ADAR: variants seen among roughly 807,000 people sequenced by gnomAD.
ADAR encodes the protein adenosine deaminase RNA specific.
A neutral mutation model predicts 113.2 loss-of-function variants in ADAR; 41 were observed. The ratio of observed to expected loss-of-function variants is 0.36; its 90% CI spans 0.28 to 0.47. The LOEUF is 0.47. ADAR is among the 20% of genes least tolerant of loss of function. ADAR has a pLI of 1.00. For missense variants in ADAR, 1,242 were observed against 1,540.9 expected, an observed-to-expected ratio of 0.81 and a Z score of 3.25; for synonymous variants, 605 against 572.6, an observed-to-expected ratio of 1.06 and a Z score of -0.81.
chr1:154,608,492 CTTTTTTTTTTT>C (rs67463447), upstream of ADAR, among the ~76,000 whole-genome samples: 2 of 65,762 alleles, frequency 3.0e-5, no homozygotes, highest in Admixed American at 2.2e-4. Context: ...TCACTCCTGG[CTTTTTTTTTTT>C]TTTTTTTTTT....
chr1:154,590,135 A>AGGTGGGGG, intron 7 of ADAR, 49 bp downstream of exon 7: 1 of 1,205,044 alleles, frequency 8.3e-7, no homozygotes, highest in Non-Finnish European at 1.2e-6. Context: ...CTTAGGAGTT[A>AGGTGGGGG]GGAGGACCCC....
At chr1:154,588,370 T>C in intron 10 of ADAR, 112 bp from the exon 11 acceptor site, 6 of 1,547,954 alleles carry the variant, frequency 3.9e-6, no homozygotes, top group Non-Finnish European at 5.3e-6. Flanking sequence ...AGGCCTACCA[T>C]GGGAGACTGG....
chr1:154,626,807 T>C (rs569041398), intron 1 of ADAR, among the ~76,000 whole-genome samples: 5 of 152,352 alleles, frequency 3.3e-5, no homozygotes, highest in East Asian at 1.9e-4. Flanking sequence ...TCATGTCCCC[T>C]TTCCACTCTA....
rs1361153020 is a variant in ADAR, at chr1:154,583,042, C to T, written c.*1764G>A. ...AGAATAAAAGCAAAGATGTGAATGT[C>T]TCTACCAGACAGAGGATGACCTAGT... is the stretch of plus-strand genomic sequence containing the variant. On this transcript the variant is annotated 3_prime_UTR_variant, in exon 15 of 15. Transcript: ENST00000368474. The T allele has an allele frequency of 6.6e-6, 1 of 152,244 alleles. No homozygotes were observed. Among genetic ancestry groups the T allele is most frequent in the Non-Finnish European group, 1.5e-5 (1 of 68,044 alleles). The allele number at this position is 152,244 out of a possible 1,614,324, so 9.4% of individuals were successfully genotyped here.
rs1208977173 is a variant in ADAR at position 154,583,511 on chromosome 1, T to C, written c.*1295A>G. The C allele has an allele frequency of 6.6e-6, 1 of 152,210 alleles. No individual in the cohort carries two copies. Among genetic ancestry groups the C allele is most frequent in the East Asian group, 1.9e-4 (1 of 5,202 alleles). 9.4% of individuals were successfully genotyped at this position (152,210 alleles called of 1,614,324 possible). A position where few individuals can be genotyped will look rare whatever the true frequency, so the allele number is the denominator to read the frequency against. The stretch of plus-strand genomic sequence containing the variant: ...GACAAAGGATTCTACCTCACAGAGT[T>C]TGAAGACAACCTGCCCTTTCACCCA... On this transcript the variant is annotated 3_prime_UTR_variant, in exon 15 of 15. Transcript: ENST00000368474.
chr1:154,601,415 C>T lies in ADAR; in HGVS notation c.1227G>A (p.Val409=). 7 of 1,614,224 alleles carry T rather than the reference C, an allele frequency of 4.3e-6. No homozygotes were observed. The highest frequency in any genetic ancestry group is 5.9e-6 in the Non-Finnish European group (7 of 1,180,050). Residue 409 remains valine (V), a synonymous_variant, in exon 2 of 15, where the codon GTG becomes GTA. Coordinates refer to ENST00000368474, the MANE Select transcript of ADAR (RefSeq NM_001111.5). The surrounding 1 kb of genome is among the most constrained non-coding windows in gnomAD (Gnocchi z 4.7). ...ASNNMVTTEK[V]ENGQEPVIKL... ...TTATGACAGGTTCCTGCCCATTCTC[C>T]ACTTTTTCTGTGGTTACCATGTTAT... is the stretch of plus-strand genomic sequence containing the variant.
At chr1:154,591,278 C>T (rs755809680) in intron 6 of ADAR, among the ~76,000 whole-genome samples, 9 of 152,212 alleles carry the variant, frequency 5.9e-5, no homozygotes, top group African/African-American at 9.6e-5. Context: ...AAGGGACTAC[C>T]TTTCTCCCCA....
Position 154,589,757 on chromosome 1 carries a change from C to T in ADAR, c.2668G>A (p.Gly890Arg). 6.2e-7 allele frequency: 1 copy of T among 1,614,124 alleles called. No homozygotes were observed. The highest frequency in any genetic ancestry group is 8.5e-7 in the Non-Finnish European group (1 of 1,180,030). The change falls in exon 8 of 15, where the codon GGG (glycine) becomes AGG (arginine). Residue 890 changes from glycine to arginine, a missense_variant and splice_region_variant. Gly to Arg is a moderately radical substitution (Grantham distance 125). Coordinates refer to ENST00000368474, the MANE Select transcript of ADAR (RefSeq NM_001111.5). ...DMGVVVSLGTGNRCVKGDSLS... is the reference protein window; with the variant it reads ...DMGVVVSLGTRNRCVKGDSLS... ...CGGCATGTCTCAGAGCCTCACTCAC[C>T]TGTTCCCAAGCTGACGACGACACCC...
chr1:154,601,888 C>T lies in ADAR; in HGVS notation c.754G>A (p.Ala252Thr). The T allele has an allele frequency of 1.2e-6, 2 of 1,614,162 alleles. No individual in the cohort carries two copies. The change falls in exon 2 of 15, where the codon GCT becomes ACT. Residue 252 changes from alanine to threonine, a missense_variant. Ala to Thr is a moderately conservative substitution (Grantham distance 58). Coordinates refer to ENST00000368474, the MANE Select transcript of ADAR (RefSeq NM_001111.5). This position sits in a 1 kb window ranked among gnomAD's most constrained non-coding sequence, Gnocchi z 4.7. ...ACCACTCCGCTGTGCTGGTTCCAAG[C>T]CTGAGCTGAGACTGCAATAAAAGGC... ...LEPFIAVSAQ[A>T]WNQHSGVVRP...
chr1:154,595,185 C>T (rs999826691), intron 6 of ADAR, among the ~76,000 whole-genome samples: 6 of 152,150 alleles, frequency 3.9e-5, no homozygotes, highest in East Asian at 3.8e-4. Flanking sequence ...AGTGTGAACT[C>T]GACTGTGAAC....
At chr1:154,614,479 C>T (rs930583330) in intron 1 of ADAR, among the ~76,000 whole-genome samples, 1 of 152,236 alleles carries the variant, frequency 6.6e-6, no homozygotes, top group Admixed American at 6.5e-5. Flanking sequence ...GCCCCTATCT[C>T]CATGGCTTGT....
chr1:154,625,633 C>T (rs1429090658), intron 1 of ADAR, among the ~76,000 whole-genome samples: 2 of 152,118 alleles, frequency 1.3e-5, no homozygotes, highest in African/African-American at 4.8e-5. Flanking sequence ...CCTAAGTGCG[C>T]AGATCACTTG....
chr1:154,586,876 T>C (rs1304943757), intron 11 of ADAR, among the ~76,000 whole-genome samples: 1 of 151,792 alleles, frequency 6.6e-6, no homozygotes, highest in Non-Finnish European at 1.5e-5. Context: ...ATGGGGAAAG[T>C]GGCATGAGAG....
At chr1:154,598,644 C>G (rs1697663263) in intron 2 of ADAR, 59 bp from the exon 3 acceptor site, 6 of 1,569,434 alleles carry the variant, frequency 3.8e-6, no homozygotes, top group Non-Finnish European at 5.3e-6. Flanking sequence ...TCTGCCTTCT[C>G]CAAAGAGACC....
chr1:154,585,239 C>T lies in ADAR; in HGVS notation c.3421G>A (p.Gly1141Ser), dbSNP rs747865412. Residue 1141 changes from glycine (G) to serine (S), a missense_variant, in exon 14 of 15, where the codon GGT (glycine) becomes AGT (serine). By Grantham distance (56) the Gly-to-Ser change is moderately conservative (BLOSUM62 0). This residue lies in a region of ADAR where 780 missense variants were observed against 1,057.9 expected (regional missense o/e 0.74). Coordinates refer to ENST00000368474, the MANE Select transcript of ADAR (RefSeq NM_001111.5). Reference sequence around the variant, plus strand: ...TACCCATCCACAGTGCCTCTGGTACCGTCCAGGATCTCCAGGTCATAGCCA... The same window carrying T: ...TACCCATCCACAGTGCCTCTGGTACTGTCCAGGATCTCCAGGTCATAGCCA... The part of the protein sequence containing the change: ...ADGYDLEILD[G>S]TRGTVDGPRN... 9.9e-6 allele frequency: 16 copies of T among 1,614,158 alleles called. No homozygotes were observed. The highest frequency in any genetic ancestry group is 5.5e-5 in the South Asian group (5 of 91,072).
Position 154,601,013 on chromosome 1 carries a change from T to C in ADAR, c.1601+28A>G. 1 of 1,613,696 alleles carries C rather than the reference T, an allele frequency of 6.2e-7. No individual in the cohort carries two copies. On this transcript the variant is annotated intron_variant, in intron 2 of 14. Coordinates refer to ENST00000368474, the MANE Select transcript of ADAR (RefSeq NM_001111.5). This position sits in a 1 kb window ranked among gnomAD's most constrained non-coding sequence, Gnocchi z 4.7. ...GAGCAAAAGCACCTGACCCCAACCC[T>C]AGGTACAGTTCCTGGGTGGTCTCTT... is the stretch of plus-strand genomic sequence containing the variant.
intron 2 of ADAR, among the ~76,000 whole-genome samples, 199 bp from the exon 3 acceptor site, chr1:154,598,784 C>G (rs1697676468): frequency 6.6e-6 from 1 of 152,218 alleles, no homozygotes; most frequent in African/African-American, 2.4e-5. Context: ...CAGCCAGTGA[C>G]TCTTTCCCCA....
rs186310208 is a variant in ADAR at position 154,590,397 on chromosome 1, T to C, written c.2283A>G (p.Gln761=). The C allele has an allele frequency of 3.7e-6, 6 of 1,614,106 alleles. No homozygotes were observed. In the East Asian group the frequency reaches 1.3e-4, roughly 36 times the overall value. Reference sequence around the variant, plus strand: ...GGAACCAGCGACCCCCAACTTTTGCTTGGTAAACGAACCTTTGGGATGAGA... The same window carrying C: ...GGAACCAGCGACCCCCAACTTTTGCCTGGTAAACGAACCTTTGGGATGAGA... ...GPPHEPKFVY[Q]AKVGGRWFPA... Residue 761 remains glutamine (Q), a synonymous_variant, in exon 7 of 15, where the codon CAA becomes CAG. Transcript: ENST00000368474.
chr1:154,608,067 G>T lies in ADAR; in HGVS notation c.-61C>A. On this transcript the variant is annotated 5_prime_UTR_variant, in exon 1 of 15. Transcript: ENST00000368474. ...GCGGCACGACCCTGGCCCGACCGCT[G>T]GGCCGCGCCAGCCCCTCGAGGCCCC... 1 of 1,519,502 alleles carries T rather than the reference G, an allele frequency of 6.6e-7. No homozygotes were observed. The highest frequency in any genetic ancestry group is 2.6e-5 in the East Asian group (1 of 39,070). 94.1% of individuals were successfully genotyped at this position (1,519,502 alleles called of 1,614,324 possible). A position where few individuals can be genotyped will look rare whatever the true frequency, so the allele number is the denominator to read the frequency against.
Sources: allele counts gnomAD v4.1 joint callset (sites outside exome capture counted in the v4.1 genomes callset), GRCh38; gene constraint gnomAD v4.1.1; regional missense constraint gnomAD v4.1.1; non-coding constraint Gnocchi (gnomAD v3.1); transcripts MANE v1.5; gene names NCBI Gene and HGNC (gene_info 2026-07-23, HGNC 2026-07-21).